The following WDR17 variants were observed in gnomAD, a reference collection of about 807,000 sequenced individuals.
WDR17 encodes WD repeat domain 17.
A neutral mutation model predicts 161.7 loss-of-function variants in WDR17; 143 were observed. That is an observed-to-expected ratio of 0.88 (90% CI 0.77 to 1.02). The LOEUF (loss-of-function observed/expected upper bound fraction) is 1.02. Ranked by LOEUF, WDR17 falls within the 50% of genes least tolerant of loss-of-function variation. The pLI is 0.00. For missense variants in WDR17, 1,469 were observed against 1,520.9 expected, an observed-to-expected ratio of 0.97 and a Z score of 0.57; for synonymous variants, 517 against 515.6, an observed-to-expected ratio of 1.00 and a Z score of -0.04.
intron 1 of WDR17, among the ~76,000 whole-genome samples, chr4:176,068,869 T>A (rs897757074): frequency 3.3e-5 from 5 of 152,186 alleles, no homozygotes; most frequent in Non-Finnish European, 7.4e-5. Flanking sequence ...GAATCTACTC[T>A]ATAAGGAAAC....
intron 18 of WDR17, among the ~76,000 whole-genome samples, chr4:176,159,752 G>A (rs1046489725): frequency 6.6e-6 from 1 of 152,110 alleles, no homozygotes; most frequent in Non-Finnish European, 1.5e-5. Flanking sequence ...GATCTAAAAT[G>A]TTCAGGCATA....
At chr4:176,152,764 G>A (rs778249620) in intron 17 of WDR17, among the ~76,000 whole-genome samples, 2 of 150,676 alleles carry the variant, frequency 1.3e-5, no homozygotes, top group South Asian at 2.1e-4. Flanking sequence ...GAGAAACCCC[G>A]CCTCTTCTAA....
chr4:176,166,982 A>G (rs1242347389), intron 22 of WDR17, among the ~76,000 whole-genome samples: 1 of 152,184 alleles, frequency 6.6e-6, no homozygotes, highest in Non-Finnish European at 1.5e-5. Context: ...TTATGTAAAA[A>G]ACTTCACTAA....
chr4:176,160,440 G>T, intron 19 of WDR17, among the ~76,000 whole-genome samples: 1 of 152,072 alleles, frequency 6.6e-6, no homozygotes. Flanking sequence ...TCCTGCCTCA[G>T]CCTCCCGAGT....
chr4:176,108,411 T>G (rs968398546), intron 1 of WDR17, among the ~76,000 whole-genome samples: 20 of 152,020 alleles, frequency 1.3e-4, no homozygotes, highest in African/African-American at 4.6e-4. Context: ...TTGCCAGGAA[T>G]TGGGGAGGGG....
chr4:176,079,264 T>A (rs1332161536), intron 1 of WDR17, among the ~76,000 whole-genome samples: 3 of 152,188 alleles, frequency 2.0e-5, no homozygotes, highest in Non-Finnish European at 4.4e-5. Context: ...CTTTATCCAT[T>A]CATCTGCTGA....
intron 1 of WDR17, among the ~76,000 whole-genome samples, chr4:176,071,873 C>T (rs1050015970): frequency 6.6e-6 from 1 of 152,124 alleles, no homozygotes; most frequent in Admixed American, 6.5e-5. Context: ...ATAAAGGTAA[C>T]TCCATTCATC....
chr4:176,146,062 C>A lies in WDR17; in HGVS notation c.1597C>A (p.Gln533Lys), dbSNP rs775249145. Reference protein sequence around the residue: ...RVYYVATSSDQPLKVFSGHTA... With the variant: ...RVYYVATSSDKPLKVFSGHTA... ...TTATTATGTAGCCACCAGCTCAGAT[C>A]AACCATTGAAAGTATTTAGTGGGCA... Residue 533 changes from glutamine to lysine, a missense_variant, in exon 12 of 29, where the codon CAA becomes AAA. Gln to Lys is a moderately conservative substitution (Grantham distance 53). Coordinates refer to ENST00000508596, the MANE Select transcript of WDR17 (RefSeq NM_181265.4). 4 of 1,613,984 alleles carry A rather than the reference C, an allele frequency of 2.5e-6. No homozygotes were observed. The highest frequency in any genetic ancestry group is 1.1e-5 in the South Asian group (1 of 91,042).
At chr4:176,162,315 TC>T in intron 21 of WDR17, 141 bp downstream of exon 21, 1 of 630,730 alleles carries the variant, frequency 1.6e-6, no homozygotes, top group Non-Finnish European at 2.7e-6. Flanking sequence ...GTAATTACAT[TC>T]CTAATTAGCA....
chr4:176,139,761 A>G, intron 9 of WDR17, 131 bp from the exon 10 acceptor site: 2 of 648,606 alleles, frequency 3.1e-6, no homozygotes, highest in East Asian at 2.8e-5. Flanking sequence ...TCTGCTCTTG[A>G]CAGTAATGCC....
intron 6 of WDR17, among the ~76,000 whole-genome samples, chr4:176,130,708 G>A (rs1743287701): frequency 6.9e-6 from 1 of 144,628 alleles, no homozygotes; most frequent in Admixed American, 7.2e-5. Context: ...TCATGCCACA[G>A]CACTCCAGCC....
chr4:176,130,570 CTG>C (rs913028344), intron 6 of WDR17, among the ~76,000 whole-genome samples: 33 of 150,000 alleles, frequency 2.2e-4, no homozygotes, highest in Admixed American at 2.0e-4. Context: ...CAGTGAAACC[CTG>C]TCTCTACTAA....
chr4:176,089,221 C>CGTT (rs137933731), intron 1 of WDR17, among the ~76,000 whole-genome samples: 8,805 of 152,086 alleles, frequency 0.058, 555 homozygotes, highest in African/African-American at 0.16. Flanking sequence ...ATAAAATAAA[C>CGTT]GTACTCCCTC....
chr4:176,066,724 C>T (rs891252869), intron 1 of WDR17, among the ~76,000 whole-genome samples: 14 of 151,794 alleles, frequency 9.2e-5, no homozygotes, highest in African/African-American at 3.4e-4. Context: ...AAAAGTCCGA[C>T]CATGCATCAA....
At chr4:176,135,951 C>A (rs1744326645) in intron 8 of WDR17, among the ~76,000 whole-genome samples, 1 of 151,492 alleles carries the variant, frequency 6.6e-6, no homozygotes, top group Non-Finnish European at 1.5e-5. Context: ...TGTAGCTCAT[C>A]CTTATTTTTA....
chr4:176,103,595 A>C (rs1372444436), intron 1 of WDR17, among the ~76,000 whole-genome samples: 1 of 152,108 alleles, frequency 6.6e-6, no homozygotes, highest in Non-Finnish European at 1.5e-5. Context: ...ATAGAGATAG[A>C]AAACCAAAAA....
chr4:176,134,087 T>A (rs1449552651), intron 7 of WDR17, among the ~76,000 whole-genome samples: 1 of 151,758 alleles, frequency 6.6e-6, no homozygotes, highest in East Asian at 1.9e-4. Context: ...AACCAGTGGT[T>A]CTAACAACAT....
intron 17 of WDR17, among the ~76,000 whole-genome samples, chr4:176,153,758 GCT>G (rs1747612165): frequency 6.6e-6 from 1 of 152,044 alleles, no homozygotes; most frequent in Non-Finnish European, 1.5e-5. Context: ...ACTAAATTTA[GCT>G]CACCTTTTTA....
At chr4:176,168,120 C>A (rs1750156654) in intron 22 of WDR17, among the ~76,000 whole-genome samples, 1 of 151,720 alleles carries the variant, frequency 6.6e-6, no homozygotes, top group African/African-American at 2.4e-5. Flanking sequence ...GCACTCCAGC[C>A]TGGGCGACAG....
Sources: allele counts gnomAD v4.1 joint callset (sites outside exome capture counted in the v4.1 genomes callset), GRCh38; gene constraint gnomAD v4.1.1; transcripts MANE v1.5; gene names NCBI Gene and HGNC (gene_info 2026-07-23, HGNC 2026-07-21).